DCLK1: variants seen among roughly 807,000 people sequenced by gnomAD.
The protein encoded by DCLK1 is doublecortin like kinase 1.
Under a neutral mutation model 86.2 loss-of-function variants are expected in DCLK1, and 16 were observed. The ratio of observed to expected loss-of-function variants is 0.19; its 90% CI spans 0.13 to 0.28. The LOEUF (loss-of-function observed/expected upper bound fraction) is 0.28. DCLK1 is among the 10% of genes least tolerant of loss of function. The probability of loss-of-function intolerance (pLI) is 1.00; values close to 1 mark genes in which losing one functional copy is unlikely to be tolerated. For synonymous variants in DCLK1, 369 were observed against 370.5 expected (o/e 1.00, Z 0.05); for missense variants, 590 against 940.2 (o/e 0.63, Z 4.87).
chr13:35,841,579 T>C (rs2153108331), intron 6 of DCLK1, among the ~76,000 whole-genome samples: 1 of 152,296 alleles, frequency 6.6e-6, no homozygotes, highest in South Asian at 2.1e-4. Flanking sequence ...TTATAACTGC[T>C]TATTTTCAAT....
chr13:35,943,006 A>T (rs1218198761), intron 4 of DCLK1, among the ~76,000 whole-genome samples: 2 of 152,194 alleles, frequency 1.3e-5, no homozygotes, highest in Admixed American at 6.5e-5. Flanking sequence ...TTTTAGGTTG[A>T]ATTTTGTTCC....
At chr13:35,840,717 T>C (rs1201195989) in intron 6 of DCLK1, among the ~76,000 whole-genome samples, 1 of 152,216 alleles carries the variant, frequency 6.6e-6, no homozygotes, top group Non-Finnish European at 1.5e-5. Flanking sequence ...CGGATTGAGA[T>C]TGTCACCTTG....
At chr13:36,020,642 TTAA>T (rs1204488145) in intron 3 of DCLK1, among the ~76,000 whole-genome samples, 1 of 152,080 alleles carries the variant, frequency 6.6e-6, no homozygotes, top group Non-Finnish European at 1.5e-5. Context: ...AGCATACAAC[TTAA>T]TAAGAGTCTA....
chr13:35,842,228 CAA>C (rs35862851), intron 6 of DCLK1, among the ~76,000 whole-genome samples: 4 of 35,120 alleles, frequency 1.1e-4, no homozygotes, highest in African/African-American at 2.3e-4. Context: ...GACTCCATCT[CAA>C]AAAAAAAAAA....
In DCLK1 at chr13:35,778,294, A is replaced by G. The variant is rs1457822097; in HGVS notation, c.2059-3595T>C. Among the ~76,000 whole-genome samples, 7 of 152,174 alleles carry G rather than the reference A, an allele frequency of 4.6e-5. 1 individual carries two copies. The highest frequency in any genetic ancestry group is 1.0e-4 in the Non-Finnish European group (7 of 68,032). On this transcript the variant is annotated intron_variant, in intron 16 of 16. Coordinates refer to ENST00000360631, the MANE Select transcript of DCLK1 (RefSeq NM_001330071.2). ...AGCCTTTGCAATGTGCTTCCAATAA[A>G]AACTTCCAGGGTGTATACCTATTAT... is the stretch of plus-strand genomic sequence containing the variant.
chr13:36,063,595 A>G (rs540073485), intron 3 of DCLK1, among the ~76,000 whole-genome samples: 3 of 152,340 alleles, frequency 2.0e-5, no homozygotes, highest in Non-Finnish European at 4.4e-5. Flanking sequence ...CCAATATTAC[A>G]GAAGTGACCA....
chr13:35,882,226 C>G (rs1872957552), intron 4 of DCLK1, among the ~76,000 whole-genome samples: 1 of 152,178 alleles, frequency 6.6e-6, no homozygotes. Flanking sequence ...CTGCCTCCAT[C>G]TTTACATGGA....
intron 4 of DCLK1, among the ~76,000 whole-genome samples, chr13:35,878,524 G>C (rs911388924): frequency 6.6e-6 from 1 of 151,896 alleles, no homozygotes; most frequent in African/African-American, 2.4e-5. Flanking sequence ...GCATTGCAGT[G>C]GGGGGGAAAT....
At chr13:35,909,660 GA>G (rs1188240605) in intron 4 of DCLK1, among the ~76,000 whole-genome samples, 15 of 149,428 alleles carry the variant, frequency 1.0e-4, no homozygotes, top group African/African-American at 1.7e-4. Flanking sequence ...TTCTACAAAG[GA>G]AAAAAAGTGC....
intron 3 of DCLK1, among the ~76,000 whole-genome samples, chr13:36,076,262 C>T (rs1169902150): frequency 2.0e-5 from 3 of 152,138 alleles, no homozygotes; most frequent in Non-Finnish European, 2.9e-5. Context: ...AAAAGATGCC[C>T]TATTTCTCCT....
intron 6 of DCLK1, chr13:35,850,177 G>T (rs1364259958): frequency 1.0e-6 from 1 of 983,818 alleles, no homozygotes; most frequent in Non-Finnish European, 1.2e-6. Flanking sequence ...TACTGTCTAG[G>T]GAGAAAAAAA....
chr13:35,836,275 A>AGTTGCCTC, intron 7 of DCLK1, 134 bp from the exon 8 acceptor site: 3 of 712,462 alleles, frequency 4.2e-6, no homozygotes, highest in Non-Finnish European at 6.9e-6. Flanking sequence ...ACAGTGAGGC[A>AGTTGCCTC]ACTGCCTCCC....
At chr13:35,902,028 A>T (rs1874396836) in intron 4 of DCLK1, among the ~76,000 whole-genome samples, 1 of 152,228 alleles carries the variant, frequency 6.6e-6, no homozygotes, top group Admixed American at 6.5e-5. Context: ...TTGAAGGGTA[A>T]TGTATGTTAT....
intron 4 of DCLK1, among the ~76,000 whole-genome samples, chr13:35,922,679 T>C (rs566842444): frequency 1.3e-5 from 2 of 152,272 alleles, no homozygotes; most frequent in Middle Eastern, 3.4e-3. Flanking sequence ...CGGATGGAGA[T>C]GGAGATAGAA....
chr13:35,978,822 A>G (rs1284420895), intron 3 of DCLK1, among the ~76,000 whole-genome samples: 2 of 152,180 alleles, frequency 1.3e-5, no homozygotes, highest in Non-Finnish European at 2.9e-5. Context: ...TTACAAAATG[A>G]CAACGGCATG....
intron 5 of DCLK1, among the ~76,000 whole-genome samples, chr13:35,863,687 A>G (rs1871567936): frequency 6.6e-6 from 1 of 152,228 alleles, no homozygotes; most frequent in South Asian, 2.1e-4. Context: ...TAGACTGTAT[A>G]AGGCTGAATT....
At chr13:35,807,642 C>A (rs2049252482) in intron 14 of DCLK1, among the ~76,000 whole-genome samples, 1 of 152,300 alleles carries the variant, frequency 6.6e-6, no homozygotes, top group African/African-American at 2.4e-5. Flanking sequence ...AATTTGCATT[C>A]TAGTGGAGAG....
intron 3 of DCLK1, among the ~76,000 whole-genome samples, chr13:35,948,404 A>G (rs771618063): frequency 2.0e-5 from 3 of 152,296 alleles, no homozygotes; most frequent in Admixed American, 1.3e-4. Context: ...TGGATATTTG[A>G]GGACCAGAGA....
chr13:35,986,138 C>A (rs1879892376), intron 3 of DCLK1, among the ~76,000 whole-genome samples: 1 of 151,542 alleles, frequency 6.6e-6, no homozygotes, highest in Non-Finnish European at 1.5e-5. Context: ...CCCGTCTCTA[C>A]TAAAAATACA....
Sources: gnomAD v4.1 joint callset for allele counts (sites outside exome capture counted in the v4.1 genomes callset) on GRCh38, gnomAD v4.1.1 for gene constraint, MANE v1.5 for transcripts, NCBI Gene and HGNC (gene_info 2026-07-23, HGNC 2026-07-21) for gene names.